CD86: variants seen among roughly 807,000 people sequenced by gnomAD.
CD86 encodes T-lymphocyte activation antigen CD86.
In CD86, 11 loss-of-function variants were observed where a neutral mutation model predicts 32.1. That is an observed-to-expected ratio of 0.34 (90% CI 0.22 to 0.57). The LOEUF is 0.57. Among genes scored for constraint, CD86 ranks in the 20% least tolerant of loss-of-function variants. The pLI is 0.86. For missense variants in CD86, 359 were observed against 398.4 expected, an observed-to-expected ratio of 0.90 and a Z score of 0.84; for synonymous variants, 137 against 135.3, an observed-to-expected ratio of 1.01 and a Z score of -0.09.
At chr3:122,081,307 G>C (rs180998290) in intron 1 of CD86, among the ~76,000 whole-genome samples, 27 of 152,242 alleles carry the variant, frequency 1.8e-4, no homozygotes, top group Admixed American at 3.9e-4. Context: ...TTGTGTCTCA[G>C]AAAGTCGTCA....
At chr3:122,115,740 CAAAAAAAAAA>C (rs769868417) in intron 5 of CD86, among the ~76,000 whole-genome samples, 680 of 27,548 alleles carry the variant, frequency 0.025, 6 homozygotes, top group Middle Eastern at 0.094. Flanking sequence ...AACTCCCTCT[CAAAAAAAAAA>C]AAAAAAAAAA....
chr3:122,098,944 G>C (rs770766583), intron 2 of CD86, among the ~76,000 whole-genome samples: 10 of 152,202 alleles, frequency 6.6e-5, no homozygotes, highest in Non-Finnish European at 1.0e-4. Flanking sequence ...GAGGAAGACA[G>C]TACCTGTTGC....
intron 2 of CD86, among the ~76,000 whole-genome samples, chr3:122,094,233 A>G (rs1300145557): frequency 1.3e-5 from 2 of 152,244 alleles, no homozygotes; most frequent in African/African-American, 4.8e-5. Flanking sequence ...GACTCCGCAC[A>G]CTGAAAGTGA....
intron 2 of CD86, among the ~76,000 whole-genome samples, chr3:122,094,927 T>G (rs1474480037): frequency 6.6e-6 from 1 of 152,226 alleles, no homozygotes. Context: ...CTTCTAACTT[T>G]CAAGCTCTGT....
intron 1 of CD86, among the ~76,000 whole-genome samples, chr3:122,078,362 G>A (rs1212011068): frequency 6.6e-6 from 1 of 152,170 alleles, no homozygotes; most frequent in East Asian, 1.9e-4. Context: ...GGGGTGCTGG[G>A]GTCTCCGAGC....
intron 1 of CD86, among the ~76,000 whole-genome samples, chr3:122,059,586 G>A (rs1349694263): frequency 6.6e-6 from 1 of 151,720 alleles, no homozygotes; most frequent in Admixed American, 6.6e-5. Context: ...ATGCAAGAAA[G>A]AGGAGAATGC....
chr3:122,061,133 T>C (rs1312545104), intron 1 of CD86, among the ~76,000 whole-genome samples: 4 of 152,152 alleles, frequency 2.6e-5, no homozygotes, highest in African/African-American at 9.7e-5. Context: ...TTTGGTTAAG[T>C]GAACCAATTA....
chr3:122,064,028 A>C lies in CD86; in HGVS notation c.14+8525A>C, dbSNP rs141499768. On this transcript the variant is annotated intron_variant, in intron 1 of 6. Coordinates refer to ENST00000330540, the MANE Select transcript of CD86 (RefSeq NM_175862.5). ...CCCAACAACTCCAAAAAGTCAGCTC[A>C]TGCAAAACCATCCAAGGACAGATGA... is the stretch of plus-strand genomic sequence containing the variant. Among the ~76,000 whole-genome samples, 27 of 152,324 alleles carry C rather than the reference A, an allele frequency of 1.8e-4. No homozygotes were observed. In the East Asian group the frequency reaches 4.4e-3, roughly 25 times the overall value.
intron 1 of CD86, among the ~76,000 whole-genome samples, chr3:122,064,437 C>T (rs1024036739): frequency 2.0e-5 from 3 of 151,972 alleles, no homozygotes; most frequent in Non-Finnish European, 4.4e-5. Context: ...AGGTACAGCC[C>T]GTATGCTGCA....
At chr3:122,101,393 C>T (rs1039165847) in intron 2 of CD86, among the ~76,000 whole-genome samples, 1 of 150,216 alleles carries the variant, frequency 6.7e-6, no homozygotes, top group Non-Finnish European at 1.5e-5. Flanking sequence ...AAGAGAAAGC[C>T]GTTGTAATCT....
At chr3:122,097,428 A>ATAGTTCAGCTTT (rs2072924711) in intron 2 of CD86, among the ~76,000 whole-genome samples, 1 of 152,184 alleles carries the variant, frequency 6.6e-6, no homozygotes, top group African/African-American at 2.4e-5. Flanking sequence ...CAAAAATAAA[A>ATAGTTCAGCTTT]TAGTTCAGCT....
intron 1 of CD86, among the ~76,000 whole-genome samples, chr3:122,059,155 T>C (rs1464777010): frequency 6.6e-6 from 1 of 151,910 alleles, no homozygotes; most frequent in East Asian, 1.9e-4. Context: ...TAGGTGCAAG[T>C]TCAAAAAAGA....
At chr3:122,073,821 G>T (rs1261824487) in intron 1 of CD86, among the ~76,000 whole-genome samples, 1 of 152,190 alleles carries the variant, frequency 6.6e-6, no homozygotes, top group Non-Finnish European at 1.5e-5. Flanking sequence ...CATAGGATAT[G>T]AATTTCTGTC....
intron 1 of CD86, among the ~76,000 whole-genome samples, chr3:122,075,109 GC>G (rs2072538529): frequency 1.3e-5 from 2 of 150,154 alleles, no homozygotes; most frequent in South Asian, 4.2e-4. Context: ...AAAAAAAAAA[GC>G]CGTGGTCAGC....
intron 5 of CD86, among the ~76,000 whole-genome samples, chr3:122,112,326 G>A (rs576280718): frequency 1.4e-5 from 2 of 146,998 alleles, no homozygotes; most frequent in African/African-American, 2.5e-5. Context: ...TTTTTTTTTT[G>A]TGTGTGTGTG....
At chr3:122,108,249 G>A (rs1470607135) in intron 4 of CD86, among the ~76,000 whole-genome samples, 2 of 152,132 alleles carry the variant, frequency 1.3e-5, no homozygotes, top group Non-Finnish European at 2.9e-5. Context: ...CCATTCTATC[G>A]CTTGATCAGA....
intron 5 of CD86, 45 bp downstream of exon 5, chr3:122,109,453 A>C: frequency 6.2e-7 from 1 of 1,609,290 alleles, no homozygotes; most frequent in Non-Finnish European, 8.5e-7. Flanking sequence ...CTTTGCACCT[A>C]CTTCCCAATC....
intron 2 of CD86, among the ~76,000 whole-genome samples, chr3:122,101,034 G>A (rs1309237735): frequency 3.3e-5 from 5 of 152,098 alleles, no homozygotes; most frequent in South Asian, 4.1e-4. Context: ...GGAAGCCAGT[G>A]GTTGGTGAGG....
intron 1 of CD86, among the ~76,000 whole-genome samples, chr3:122,076,655 C>T (rs1319822315): frequency 1.3e-5 from 2 of 152,120 alleles, no homozygotes; most frequent in African/African-American, 4.8e-5. Flanking sequence ...TGTTTACAGA[C>T]CTCTGTAGTG....
Sources: gnomAD v4.1 joint callset for allele counts (sites outside exome capture counted in the v4.1 genomes callset) on GRCh38, gnomAD v4.1.1 for gene constraint, MANE v1.5 for transcripts, NCBI Gene and HGNC (gene_info 2026-07-23, HGNC 2026-07-21) for gene names.